The following TRAPPC12 variants were observed in gnomAD, a reference collection of about 807,000 sequenced individuals.
TRAPPC12 encodes TPR repeat protein 15.
In TRAPPC12, 61 loss-of-function variants were observed where a neutral mutation model predicts 69.2. The ratio of observed to expected loss-of-function variants is 0.88; its 90% confidence interval spans 0.72 to 1.09. The LOEUF is 1.09. Ranked by LOEUF, TRAPPC12 falls within the 50% of genes least tolerant of loss-of-function variation. The pLI is 0.00. For missense variants in TRAPPC12, 1,101 were observed against 1,016.4 expected (o/e 1.08, Z -1.13); for synonymous variants, 469 against 438.9 (o/e 1.07, Z -0.86).
intron 5 of TRAPPC12, among the ~76,000 whole-genome samples, chr2:3,442,999 G>A: frequency 6.6e-6 from 1 of 152,098 alleles, no homozygotes; most frequent in East Asian, 1.9e-4. Flanking sequence ...TATCTACTTA[G>A]TATACATACT....
At chr2:3,468,960 G>A (rs541637806) in intron 9 of TRAPPC12, among the ~76,000 whole-genome samples, 58 of 152,292 alleles carry the variant, frequency 3.8e-4, no homozygotes, top group African/African-American at 1.3e-3. Flanking sequence ...CAGCAGAAAC[G>A]CCTGAACTAA....
At chr2:3,461,225 C>G (rs1379544062) in intron 8 of TRAPPC12, among the ~76,000 whole-genome samples, 2 of 152,186 alleles carry the variant, frequency 1.3e-5, no homozygotes, top group African/African-American at 4.8e-5. Flanking sequence ...ATGCACGGAC[C>G]CTGCAGCATC....
chr2:3,444,645 A>G (rs1326804906), intron 6 of TRAPPC12, among the ~76,000 whole-genome samples: 3 of 152,240 alleles, frequency 2.0e-5, no homozygotes, highest in Admixed American at 2.0e-4. Flanking sequence ...GCATATTATA[A>G]TTTTTGGGAA....
At chr2:3,396,427 C>T (rs1434944015) in intron 2 of TRAPPC12, among the ~76,000 whole-genome samples, 2 of 152,122 alleles carry the variant, frequency 1.3e-5, no homozygotes, top group African/African-American at 2.4e-5. Flanking sequence ...TGTACTTTCA[C>T]ATGGGATTTA....
At chr2:3,383,873 T>TG (rs1660358604) in intron 1 of TRAPPC12, among the ~76,000 whole-genome samples, 1 of 11,126 alleles carries the variant, frequency 9.0e-5, no homozygotes, top group Non-Finnish European at 1.4e-4. Context: ...TCAGTCTTGT[T>TG]TTTTTTTTTT....
At chr2:3,398,467 T>A (rs185852805) in intron 2 of TRAPPC12, among the ~76,000 whole-genome samples, 16 of 152,336 alleles carry the variant, frequency 1.1e-4, no homozygotes, top group African/African-American at 3.8e-4. Flanking sequence ...CCTGCCAGGA[T>A]AAACAGGCAC....
At chr2:3,466,451 G>T in intron 9 of TRAPPC12, 1 of 462,256 alleles carries the variant, frequency 2.2e-6, no homozygotes. Context: ...TTGTTTTACA[G>T]ATCAGCAAAC....
chr2:3,456,086 T>C (rs1475819679), intron 6 of TRAPPC12: 1 of 152,230 alleles, frequency 6.6e-6, no homozygotes, highest in Middle Eastern at 3.2e-3. Flanking sequence ...AGAATGTCGT[T>C]TTACCTAGTT....
chr2:3,458,585 C>G (rs1362876867), intron 7 of TRAPPC12: 1 of 353,788 alleles, frequency 2.8e-6, no homozygotes. Context: ...GTGGTGTGTG[C>G]ATGTGTGTGC....
chr2:3,435,260 C>T (rs13396704), intron 5 of TRAPPC12, among the ~76,000 whole-genome samples: 1,809 of 152,108 alleles, frequency 0.012, 30 homozygotes, highest in African/African-American at 0.042. Flanking sequence ...GTGATCTGCC[C>T]GCCTCAGCCT....
At chr2:3,410,012 A>G (rs919281135) in intron 3 of TRAPPC12, among the ~76,000 whole-genome samples, 1 of 152,088 alleles carries the variant, frequency 6.6e-6, no homozygotes, top group Non-Finnish European at 1.5e-5. Flanking sequence ...CACCTGGGAG[A>G]TGCAGGTGGA....
At chr2:3,408,753 A>C (rs1661870541) in intron 3 of TRAPPC12, among the ~76,000 whole-genome samples, 1 of 152,238 alleles carries the variant, frequency 6.6e-6, no homozygotes, top group African/African-American at 2.4e-5. Context: ...AAAGACATTC[A>C]AGAATGTTTG....
intron 6 of TRAPPC12, among the ~76,000 whole-genome samples, chr2:3,446,926 G>C (rs1664540914): frequency 6.6e-6 from 1 of 152,198 alleles, no homozygotes; most frequent in Non-Finnish European, 1.5e-5. Flanking sequence ...GGGACAGTTT[G>C]TGTTCATGCT....
chr2:3,387,167 T>C (rs187568823), intron 1 of TRAPPC12, among the ~76,000 whole-genome samples: 29 of 152,258 alleles, frequency 1.9e-4, no homozygotes, highest in Non-Finnish European at 3.4e-4. Context: ...CAAAATGTAG[T>C]GTATGCATAC....
rs756841910 is a variant in TRAPPC12 at position 3,387,764 on chromosome 2, G to C, written c.141G>C (p.Glu47Asp). The change falls in exon 2 of 12, where the codon GAG becomes GAC. Residue 47 changes from glutamate to aspartate, a missense_variant. Transcript: ENST00000324266. ...GCGGAGATGAGTTTGGATCCGAAGA[G>C]AACGAGACCGCATCGGAAGGCTCGA... is the stretch of plus-strand genomic sequence containing the variant. ...DLGGDEFGSE[E>D]NETASEGSSP... 19 of 1,612,672 alleles carry C rather than the reference G, an allele frequency of 1.2e-5. No individual in the cohort carries two copies. In the South Asian group the frequency reaches 1.9e-4, roughly 16 times the overall value.
intron 2 of TRAPPC12, chr2:3,389,614 T>C (rs1427423985): frequency 2.1e-6 from 1 of 468,888 alleles, no homozygotes; most frequent in African/African-American, 2.0e-5. Context: ...TTAACGGCTC[T>C]AAACGGGCGC....
At position 3,438,415 on chromosome 2, in the gene TRAPPC12, G is replaced by A. The variant is rs1446325031; in HGVS notation, c.1418-5364G>A. Among the ~76,000 whole-genome samples the A allele has an allele frequency of 7.1e-5, 3 of 42,192 alleles. 1 individual carries two copies. The highest frequency in any genetic ancestry group is 1.4e-4 in the Non-Finnish European group (3 of 21,668). The allele number at this position is 42,192 out of a possible 152,430, so 27.7% of individuals were successfully genotyped here. On this transcript the variant is annotated intron_variant, in intron 5 of 11. Transcript: ENST00000324266. ...CACCCCTGGATTAATCCCCCATCACGCCTGGATTAATACACCCACTACCTC... is the reference window on the plus strand; with the variant it reads ...CACCCCTGGATTAATCCCCCATCACACCTGGATTAATACACCCACTACCTC...
At chr2:3,465,464 G>C (rs1353383942) in intron 8 of TRAPPC12, 133 bp from the exon 9 acceptor site, 1 of 648,286 alleles carries the variant, frequency 1.5e-6, no homozygotes, top group African/African-American at 1.8e-5. Flanking sequence ...CTGGTTTCCA[G>C]CTTCCCCGCC....
At chr2:3,425,417 T>G (rs1348064851) in intron 5 of TRAPPC12, among the ~76,000 whole-genome samples, 2 of 152,216 alleles carry the variant, frequency 1.3e-5, no homozygotes, top group Admixed American at 1.3e-4. Flanking sequence ...TACATCCTGC[T>G]TCCCCCATTG....
Sources: allele counts gnomAD v4.1 joint callset (sites outside exome capture counted in the v4.1 genomes callset), GRCh38; gene constraint gnomAD v4.1.1; transcripts MANE v1.5; gene names NCBI Gene and HGNC (gene_info 2026-07-23, HGNC 2026-07-21).